DMD: variants seen among roughly 807,000 people sequenced by gnomAD.
DMD encodes dystrophin.
Under a neutral mutation model 330.1 loss-of-function variants are expected in DMD, and 63 were observed. The ratio of observed to expected loss-of-function variants is 0.19; its 90% CI spans 0.16 to 0.24. DMD has a LOEUF of 0.24. Among genes scored for constraint, DMD ranks in the 10% least tolerant of loss-of-function variants. The pLI is 1.00. For synonymous variants in DMD, 1,223 were observed against 959.8 expected, an observed-to-expected ratio of 1.27 and a Z score of -5.07; for missense variants, 3,344 against 2,684.1, an observed-to-expected ratio of 1.25 and a Z score of -5.43.
intron 11 of DMD, among the ~76,000 whole-genome samples, chrX:32,632,049 G>A (rs757474566): frequency 9.0e-6 from 1 of 111,717 alleles, no homozygotes; most frequent in Non-Finnish European, 1.9e-5. Flanking sequence ...TTCTACCTAT[G>A]AGCCCGTAAA....
At chrX:33,112,761 C>T (rs1603298274) in intron 1 of DMD, among the ~76,000 whole-genome samples, 1 of 109,666 alleles carries the variant, frequency 9.1e-6, no homozygotes, top group South Asian at 4.0e-4. Context: ...AATTGCATAG[C>T]TCCAATAAAA....
intron 62 of DMD, among the ~76,000 whole-genome samples, chrX:31,304,714 CT>C (rs1167332571): frequency 9.1e-6 from 1 of 110,281 alleles, no homozygotes; most frequent in Non-Finnish European, 1.9e-5. Flanking sequence ...ATACATTTGC[CT>C]TTTGCAAAAC....
intron 55 of DMD, among the ~76,000 whole-genome samples, chrX:31,585,486 C>CT (rs61006241): frequency 0.22 from 21,264 of 94,971 alleles, 2,170 homozygotes; most frequent in South Asian, 0.38. Context: ...TGGCTTCTTC[C>CT]TTTTTTTTTT....
At chrX:32,584,830 T>A (rs1412327948) in intron 13 of DMD, among the ~76,000 whole-genome samples, 1 of 111,906 alleles carries the variant, frequency 8.9e-6, no homozygotes, top group East Asian at 2.8e-4. Flanking sequence ...TACTATCTTT[T>A]TCTGGATGTG....
chrX:31,204,069 C>T lies in DMD; in HGVS notation c.9699G>A (p.Arg3233=), dbSNP rs2148541409. Residue 3233 remains arginine (R), a synonymous_variant, in exon 67 of 79, where the codon AGG becomes AGA. Transcript: ENST00000357033. Reference sequence around the variant, plus strand: ...TAGAATCATGCAGAAGGAGGCCCAGCCTGCGCTGGTCACAAAATCCTGTTG... The same window carrying T: ...TAGAATCATGCAGAAGGAGGCCCAGTCTGCGCTGGTCACAAAATCCTGTTG... ...ASSTGFCDQR[R]LGLLLHDSIQ... 8.3e-7 allele frequency: 1 copy of T among 1,211,183 alleles called. No homozygotes were observed.
intron 9 of DMD, among the ~76,000 whole-genome samples, chrX:32,647,323 G>C (rs1446642701): frequency 8.9e-6 from 1 of 111,744 alleles, no homozygotes; most frequent in Non-Finnish European, 1.9e-5. Flanking sequence ...TAGAAGCACA[G>C]AAGTCTGGTG....
At chrX:32,973,681 CAG>C (rs1179509847) in intron 2 of DMD, among the ~76,000 whole-genome samples, 1 of 111,966 alleles carries the variant, frequency 8.9e-6, no homozygotes, top group Non-Finnish European at 1.9e-5. Context: ...AGAGCATAAA[CAG>C]AACATCCCTG....
intron 44 of DMD, among the ~76,000 whole-genome samples, chrX:31,973,862 A>G (rs925324847): frequency 8.9e-6 from 1 of 111,769 alleles, no homozygotes; most frequent in African/African-American, 3.2e-5. Context: ...TCTCTTGAAC[A>G]GAAAATACAT....
intron 7 of DMD, among the ~76,000 whole-genome samples, chrX:32,793,784 C>A (rs899195019): frequency 9.0e-6 from 1 of 111,425 alleles, no homozygotes; most frequent in African/African-American, 3.3e-5. Context: ...CCAACGAAGA[C>A]AGTCCAGGAC....
chrX:32,829,851 A>C (rs993686949), intron 4 of DMD, among the ~76,000 whole-genome samples: 1 of 111,920 alleles, frequency 8.9e-6, no homozygotes, highest in African/African-American at 3.2e-5. Flanking sequence ...CTGATTTAAA[A>C]CTATGTCTGG....
intron 43 of DMD, among the ~76,000 whole-genome samples, chrX:32,246,558 C>T (rs2097238698): frequency 1.2e-5 from 1 of 81,752 alleles, no homozygotes; most frequent in Non-Finnish European, 2.4e-5. Flanking sequence ...CTCCTTGTAC[C>T]TCTGGTAGAA....
At chrX:31,977,033 T>C (rs1373978287) in intron 44 of DMD, among the ~76,000 whole-genome samples, 2 of 111,896 alleles carry the variant, frequency 1.8e-5, no homozygotes, top group Non-Finnish European at 3.8e-5. Flanking sequence ...ACTATGGCGA[T>C]TGCTTTGAGA....
chrX:31,341,876 C>T lies in DMD; in HGVS notation c.9163+6680G>A, dbSNP rs181130795. On this transcript the variant is annotated intron_variant, in intron 61 of 78. Transcript: ENST00000357033. ...TTTACACTGTGATCTGGCGTGCGCG[C>T]GTGCGTGCGCGCGCGCACACACACA... Among the ~76,000 whole-genome samples the T allele has an allele frequency of 4.6e-3, 338 of 73,458 alleles. 1 individual carries two copies. Among genetic ancestry groups the T allele is most frequent in the African/African-American group, 0.019 (314 of 16,520 alleles). 63.8% of individuals were successfully genotyped at this position (73,458 alleles called of 115,157 possible).
intron 1 of DMD, among the ~76,000 whole-genome samples, chrX:33,040,488 C>T (rs936899010): frequency 1.8e-5 from 2 of 110,708 alleles, no homozygotes; most frequent in African/African-American, 6.6e-5. Flanking sequence ...GCATATAAGG[C>T]TTGCTGAAAA....
At chrX:32,567,879 G>A (rs1260701467) in intron 15 of DMD, among the ~76,000 whole-genome samples, 1 of 110,390 alleles carries the variant, frequency 9.1e-6, no homozygotes, top group African/African-American at 3.3e-5. Context: ...CTTTACTATG[G>A]AAAGAGGCAC....
In DMD at chrX:31,496,820, G is replaced by C. The variant is rs748705603; in HGVS notation, c.8515C>G (p.Pro2839Ala). 1 of 1,210,927 alleles carries C rather than the reference G, an allele frequency of 8.3e-7. No homozygotes were observed. Among genetic ancestry groups the C allele is most frequent in the Admixed American group, 2.2e-5 (1 of 45,882 alleles). ...SRQAPIGGDFPAVQKQNDVHR... is the reference protein window; with the variant it reads ...SRQAPIGGDFAAVQKQNDVHR... ...ACATCGTTCTGCTTCTGAACTGCTGGAAAGTCGCCTCCAATAGGTGCCTGC... is the reference window on the plus strand; with the variant it reads ...ACATCGTTCTGCTTCTGAACTGCTGCAAAGTCGCCTCCAATAGGTGCCTGC... The change falls in exon 57 of 79, where the codon CCA (proline) becomes GCA (alanine). Residue 2839 changes from proline (P) to alanine (A), a missense_variant. Coordinates refer to ENST00000357033, the MANE Select transcript of DMD (RefSeq NM_004006.3).
chrX:31,643,318 C>T (rs763772765), intron 54 of DMD, among the ~76,000 whole-genome samples: 1 of 111,488 alleles, frequency 9.0e-6, no homozygotes, highest in Non-Finnish European at 1.9e-5. Flanking sequence ...AATGGTATTT[C>T]TTGTAGATAT....
intron 43 of DMD, among the ~76,000 whole-genome samples, chrX:32,242,336 A>G (rs762514602): frequency 8.9e-6 from 1 of 111,945 alleles, no homozygotes; most frequent in Admixed American, 9.5e-5. Context: ...AGTAATGATC[A>G]GTCTCATCAC....
chrX:32,803,159 TATTCAGGGATTTGACTTCTTCCTGGTTTA>T (rs1351234688), intron 7 of DMD, among the ~76,000 whole-genome samples: 8 of 112,002 alleles, frequency 7.1e-5, no homozygotes, highest in Non-Finnish European at 1.3e-4. Context: ...GTTATTGTTC[TATTCAGGGATTTGACTTCTTCCTGGTTTA>T]ATCTTGGAAG....
Sources: allele counts gnomAD v4.1 joint callset (sites outside exome capture counted in the v4.1 genomes callset), GRCh38; gene constraint gnomAD v4.1.1; transcripts MANE v1.5; gene names NCBI Gene and HGNC (gene_info 2026-07-23, HGNC 2026-07-21).